CFAP221: variants seen among roughly 807,000 people sequenced by gnomAD.
CFAP221 encodes the protein cilia and flagella associated protein 221, also known as cilia- and flagella-associated protein 221.
CFAP221 carries 97 observed loss-of-function variants against 113.1 expected under a neutral mutation model. The ratio of observed to expected loss-of-function variants is 0.86; its 90% CI spans 0.73 to 1.02. The LOEUF is 1.02. CFAP221 is among the 50% of genes least tolerant of loss of function. CFAP221 has a pLI of 0.00. For synonymous variants in CFAP221, 331 were observed against 354.4 expected, an observed-to-expected ratio of 0.93 and a Z score of 0.74; for missense variants, 1,025 against 1,013.4, an observed-to-expected ratio of 1.01 and a Z score of -0.16.
intron 1 of CFAP221, chr2:119,545,029 G>C (rs975562160): frequency 2.0e-5 from 3 of 151,914 alleles, no homozygotes; most frequent in African/African-American, 7.3e-5. Flanking sequence ...TGCTATGAGA[G>C]GTGGTGCGAG....
intron 15 of CFAP221, among the ~76,000 whole-genome samples, chr2:119,626,754 A>C (rs1241341884): frequency 1.3e-5 from 2 of 151,884 alleles, no homozygotes; most frequent in East Asian, 3.9e-4. Flanking sequence ...GGCAACATAC[A>C]TAGTGAGACC....
chr2:119,564,037 T>C (rs926405332), intron 6 of CFAP221, among the ~76,000 whole-genome samples: 1 of 152,120 alleles, frequency 6.6e-6, no homozygotes, highest in Non-Finnish European at 1.5e-5. Flanking sequence ...ATAAAGACTG[T>C]GGGCTTCAGC....
intron 3 of CFAP221, among the ~76,000 whole-genome samples, chr2:119,554,118 T>TA (rs1234948564): frequency 6.6e-6 from 1 of 152,248 alleles, no homozygotes; most frequent in African/African-American, 2.4e-5. Flanking sequence ...TTAAGGCAGT[T>TA]ACCTTGAAAT....
Position 119,546,239 on chromosome 2 carries a change from A to G in CFAP221, c.108A>G (p.Arg36=). ...ACCTAGTGGAGGAGCCGAAAAAAAG[A>G]AAAGAAGTACCTAATCACCTCCTAG... is the stretch of plus-strand genomic sequence containing the variant. ...LKNLVEEPKK[R]KEVPNHLLES... The change falls in exon 2 of 24, where the codon AGA becomes AGG. Residue 36 remains arginine, a synonymous_variant. Coordinates refer to ENST00000413369, the MANE Select transcript of CFAP221 (RefSeq NM_001271049.2). 1 of 1,535,840 alleles carries G rather than the reference A, an allele frequency of 6.5e-7. No homozygotes were observed. The highest frequency in any genetic ancestry group is 1.4e-5 in the African/African-American group (1 of 73,146).
At chr2:119,600,867 G>A (rs1469818287) in intron 7 of CFAP221, among the ~76,000 whole-genome samples, 1 of 152,154 alleles carries the variant, frequency 6.6e-6, no homozygotes, top group Non-Finnish European at 1.5e-5. Flanking sequence ...CAAAGAGAAT[G>A]AAGACCTTTG....
At chr2:119,628,765 T>C (rs939617699) in intron 16 of CFAP221, among the ~76,000 whole-genome samples, 1 of 152,268 alleles carries the variant, frequency 6.6e-6, no homozygotes, top group African/African-American at 2.4e-5. Flanking sequence ...CTGCTTTTGA[T>C]AATTGTGTGA....
chr2:119,625,714 G>A (rs758508153), intron 15 of CFAP221, 26 bp downstream of exon 15: 2 of 1,555,484 alleles, frequency 1.3e-6, no homozygotes, highest in South Asian at 2.2e-5. Context: ...AAAGCACAGA[G>A]ATGCCGAGAC....
chr2:119,611,685 A>C lies in CFAP221; in HGVS notation c.1254A>C (p.Glu418Asp). 6.2e-7 allele frequency: 1 copy of C among 1,613,904 alleles called. No homozygotes were observed. The highest frequency in any genetic ancestry group is 1.1e-5 in the South Asian group (1 of 91,026). Reference protein sequence around the residue: ...LDRGDPILDEEFQRLKTEVSH... With the variant: ...LDRGDPILDEDFQRLKTEVSH... ...GAGGAGATCCTATTTTGGATGAGGA[A>C]TTTCAGCGACTTAAAACAGAAGTTA... is the stretch of plus-strand genomic sequence containing the variant. The change falls in exon 13 of 24, where the codon GAA (glutamate) becomes GAC (aspartate). Residue 418 changes from glutamate to aspartate, a missense_variant. Glu to Asp is a conservative substitution (Grantham distance 45). Transcript: ENST00000413369.
intron 7 of CFAP221, among the ~76,000 whole-genome samples, chr2:119,590,879 G>C (rs1683550640): frequency 6.6e-6 from 1 of 152,152 alleles, no homozygotes; most frequent in Non-Finnish European, 1.5e-5. Flanking sequence ...AGCACAAACT[G>C]TGCGGGGTAC....
intron 2 of CFAP221, among the ~76,000 whole-genome samples, chr2:119,548,717 T>A (rs1680215021): frequency 6.6e-6 from 1 of 152,254 alleles, no homozygotes; most frequent in Non-Finnish European, 1.5e-5. Context: ...GTATTCATTA[T>A]GTAATAAGTA....
intron 14 of CFAP221, among the ~76,000 whole-genome samples, chr2:119,624,682 A>G (rs544600074): frequency 1.1e-3 from 175 of 152,358 alleles, no homozygotes; most frequent in African/African-American, 3.8e-3. Flanking sequence ...ATGGAATACT[A>G]TGCAGCCATA....
chr2:119,612,028 C>G (rs1685203043), intron 13 of CFAP221, among the ~76,000 whole-genome samples: 1 of 152,134 alleles, frequency 6.6e-6, no homozygotes, highest in South Asian at 2.1e-4. Flanking sequence ...TTCTCCAAGC[C>G]CCTGTCCACA....
intron 11 of CFAP221, among the ~76,000 whole-genome samples, chr2:119,605,743 T>C (rs1248200774): frequency 6.6e-6 from 1 of 152,162 alleles, no homozygotes; most frequent in African/African-American, 2.4e-5. Flanking sequence ...TGTGCTTCTG[T>C]GCCCAAATTA....
chr2:119,547,180 A>G (rs201211676), intron 2 of CFAP221, among the ~76,000 whole-genome samples: 2 of 152,228 alleles, frequency 1.3e-5, no homozygotes, highest in East Asian at 3.8e-4. Flanking sequence ...AAATTGATAT[A>G]CTTGACCATT....
At chr2:119,632,796 G>C (rs1202896208) in intron 19 of CFAP221, among the ~76,000 whole-genome samples, 1 of 151,022 alleles carries the variant, frequency 6.6e-6, no homozygotes, top group Non-Finnish European at 1.5e-5. Context: ...CAAGATTGCA[G>C]GATGCAGAAT....
Position 119,629,858 on chromosome 2 carries a change from C to A in CFAP221, c.1651-17C>A. On this transcript the variant is annotated splice_polypyrimidine_tract_variant and intron_variant, in intron 16 of 23. Transcript: ENST00000413369. ...TCAGTGGTGATTGTTCTCTTTTTTT[C>A]TCCTTTCACATTTTAGGCTCCTGAT... The A allele has an allele frequency of 1.3e-6, 2 of 1,585,692 alleles. No homozygotes were observed. The highest frequency in any genetic ancestry group is 8.6e-7 in the Non-Finnish European group (1 of 1,160,920).
chr2:119,601,348 C>T lies in CFAP221; in HGVS notation c.762C>T (p.Thr254=), dbSNP rs547614414. The T allele has an allele frequency of 5.1e-4, 787 of 1,533,136 alleles. 1 individual carries two copies. The highest frequency in any genetic ancestry group is 6.6e-4 in the Non-Finnish European group (753 of 1,145,096). 95.0% of individuals were successfully genotyped at this position (1,533,136 alleles called of 1,614,324 possible). ...CTCAACCATACGAATGTGTCTTCAC[C>T]GGAACATGCTATCCCAACATGGCCT... ...FNSQPYECVF[T]GTCYPNMALP... is the part of the protein sequence containing the mutation. Residue 254 remains threonine (T), a synonymous_variant, in exon 8 of 24, where the codon ACC becomes ACT. Transcript: ENST00000413369.
intron 6 of CFAP221, chr2:119,572,576 T>C (rs986263166): frequency 1.0e-5 from 7 of 701,168 alleles, no homozygotes; most frequent in Admixed American, 6.0e-5. Context: ...AGATAACTAG[T>C]TGAAACTTGG....
At chr2:119,613,192 TC>T (rs1348747664) in intron 13 of CFAP221, among the ~76,000 whole-genome samples, 24 of 152,212 alleles carry the variant, frequency 1.6e-4, no homozygotes, top group African/African-American at 5.5e-4. Flanking sequence ...GGGTACAGCC[TC>T]CCTCCCAGCT....
Sources: allele counts gnomAD v4.1 joint callset (sites outside exome capture counted in the v4.1 genomes callset), GRCh38; gene constraint gnomAD v4.1.1; transcripts MANE v1.5; gene names NCBI Gene and HGNC (gene_info 2026-07-23, HGNC 2026-07-21).